LRRC4C: variants seen among roughly 807,000 people sequenced by gnomAD.
LRRC4C encodes the protein leucine-rich repeat-containing protein 4C.
In LRRC4C, 5 loss-of-function variants were observed where a neutral mutation model predicts 33.6. The observed-to-expected ratio is 0.15, with a 90% CI of 0.08 to 0.31. The LOEUF (loss-of-function observed/expected upper bound fraction) is 0.31, where lower values mean the gene tolerates loss of function less well. Among genes scored for constraint, LRRC4C ranks in the 10% least tolerant of loss-of-function variants. The pLI is 1.00. For missense variants in LRRC4C, 560 were observed against 796.7 expected, an observed-to-expected ratio of 0.70 and a Z score of 3.58; for synonymous variants, 329 against 302.0, an observed-to-expected ratio of 1.09 and a Z score of -0.93.
chr11:40,331,343 G>A (rs902872903), intron 3 of LRRC4C, among the ~76,000 whole-genome samples: 3 of 152,136 alleles, frequency 2.0e-5, no homozygotes, highest in Middle Eastern at 3.2e-3. Context: ...TGTCAAAGTC[G>A]TATCTGCATT....
chr11:40,345,097 T>G (rs1947062581), intron 3 of LRRC4C, among the ~76,000 whole-genome samples: 1 of 152,120 alleles, frequency 6.6e-6, no homozygotes, highest in Non-Finnish European at 1.5e-5. Flanking sequence ...TTACAGAATT[T>G]GTAGATTCCA....
At chr11:40,140,066 C>T (rs1459666393) in intron 6 of LRRC4C, among the ~76,000 whole-genome samples, 5 of 152,162 alleles carry the variant, frequency 3.3e-5, no homozygotes, top group Non-Finnish European at 5.9e-5. Context: ...GAAGGTTAAA[C>T]CCCAGTTCCT....
At chr11:40,963,926 C>G (rs1851145149) in intron 1 of LRRC4C, among the ~76,000 whole-genome samples, 1 of 151,580 alleles carries the variant, frequency 6.6e-6, no homozygotes, top group Non-Finnish European at 1.5e-5. Flanking sequence ...AATATTTGGG[C>G]AATCTTTAAA....
chr11:41,072,492 A>G (rs974405382), intron 1 of LRRC4C, among the ~76,000 whole-genome samples: 1 of 151,932 alleles, frequency 6.6e-6, no homozygotes, highest in Non-Finnish European at 1.5e-5. Flanking sequence ...GTTGTTTAAT[A>G]GTCTATAGCA....
chr11:40,955,818 C>A (rs1250398991), intron 1 of LRRC4C, among the ~76,000 whole-genome samples: 1 of 151,848 alleles, frequency 6.6e-6, no homozygotes, highest in Non-Finnish European at 1.5e-5. Flanking sequence ...TTTATTGTGG[C>A]TTCCCTTACA....
intron 1 of LRRC4C, among the ~76,000 whole-genome samples, chr11:40,978,684 C>T (rs1592243346): frequency 1.3e-5 from 2 of 148,568 alleles, no homozygotes; most frequent in Admixed American, 6.8e-5. Flanking sequence ...TGCAGTGGTG[C>T]ACTCTCAGCT....
At chr11:40,821,443 GA>G (rs1407385905) in intron 2 of LRRC4C, among the ~76,000 whole-genome samples, 2 of 151,570 alleles carry the variant, frequency 1.3e-5, no homozygotes, top group African/African-American at 4.8e-5. Flanking sequence ...GCCAGGATAT[GA>G]ATAAAAATAA....
chr11:40,900,233 C>A (rs1447186823), intron 2 of LRRC4C, among the ~76,000 whole-genome samples: 1 of 152,012 alleles, frequency 6.6e-6, no homozygotes. Context: ...ACAAATTGTT[C>A]TAAATGTGGC....
intron 2 of LRRC4C, among the ~76,000 whole-genome samples, chr11:40,842,779 T>G (rs569943596): frequency 2.3e-4 from 35 of 152,276 alleles, no homozygotes; most frequent in African/African-American, 8.4e-4. Context: ...AAGTGGGTCC[T>G]AGATCATAAA....
chr11:40,469,212 G>A lies in LRRC4C; in HGVS notation c.-269-149491C>T, dbSNP rs545025388. Among the ~76,000 whole-genome samples, 62 of 152,314 alleles carry A rather than the reference G, an allele frequency of 4.1e-4. 1 individual carries two copies. The highest frequency in any genetic ancestry group is 3.4e-3 in the Middle Eastern group (1 of 294). ...ATCTCACTAGGACTGGTTAGACAGT[G>A]GGTGCAGCCCACGGAGGGCGAGCTG... On this transcript the variant is annotated intron_variant, in intron 3 of 6. Coordinates refer to ENST00000528697, the MANE Select transcript of LRRC4C (RefSeq NM_001258419.2).
rs1441169373 is a variant in LRRC4C at position 41,272,154 on chromosome 11, C to G, written c.-496+187277G>C. On this transcript the variant is annotated intron_variant, in intron 1 of 6. Transcript: ENST00000528697. Reference sequence around the variant, plus strand: ...GTAGACTGAGGATAAAAATGCCCTACTTTTTTAGTCAAACCCCTTTCAGGT... The same window carrying G: ...GTAGACTGAGGATAAAAATGCCCTAGTTTTTTAGTCAAACCCCTTTCAGGT... Among the ~76,000 whole-genome samples, 3 of 152,074 alleles carry G rather than the reference C, an allele frequency of 2.0e-5. No individual in the cohort carries two copies. In the South Asian group the frequency reaches 6.2e-4, roughly 32 times the overall value.
chr11:41,304,140 G>A (rs1591208898), intron 1 of LRRC4C, among the ~76,000 whole-genome samples: 1 of 85,444 alleles, frequency 1.2e-5, no homozygotes, highest in African/African-American at 3.2e-5. Context: ...GAGCCCCTCA[G>A]CCCGGCCAGC....
intron 2 of LRRC4C, among the ~76,000 whole-genome samples, chr11:40,820,489 C>G (rs1951888190): frequency 6.6e-6 from 1 of 151,768 alleles, no homozygotes; most frequent in Admixed American, 6.6e-5. Flanking sequence ...GGGAGTAAAA[C>G]ACATTACATT....
chr11:40,727,905 C>T (rs1028399613), intron 2 of LRRC4C, among the ~76,000 whole-genome samples: 1 of 151,746 alleles, frequency 6.6e-6, no homozygotes, highest in Non-Finnish European at 1.5e-5. Context: ...AACAATGAGC[C>T]GAGTGTGATA....
At chr11:40,235,742 A>C (rs950036895) in intron 5 of LRRC4C, among the ~76,000 whole-genome samples, 7 of 152,236 alleles carry the variant, frequency 4.6e-5, no homozygotes, top group African/African-American at 1.7e-4. Context: ...CTTTTAATAC[A>C]AAAGTATTAA....
chr11:40,585,111 C>A (rs1958661421), intron 3 of LRRC4C, among the ~76,000 whole-genome samples: 1 of 152,122 alleles, frequency 6.6e-6, no homozygotes, highest in Admixed American at 6.5e-5. Context: ...TTGGCCTATG[C>A]AGATAGGACC....
intron 1 of LRRC4C, among the ~76,000 whole-genome samples, chr11:41,191,536 C>T (rs7109755): frequency 0.012 from 1,818 of 152,198 alleles, 31 homozygotes; most frequent in African/African-American, 0.04. Flanking sequence ...TGACTCTGTT[C>T]AATTGTGAAC....
At chr11:40,949,392 G>A (rs1958583581) in intron 1 of LRRC4C, among the ~76,000 whole-genome samples, 1 of 151,766 alleles carries the variant, frequency 6.6e-6, no homozygotes, top group African/African-American at 2.4e-5. Context: ...ATTTGTCAGA[G>A]CAACTCCAAG....
intron 2 of LRRC4C, among the ~76,000 whole-genome samples, chr11:40,650,213 C>T (rs895706427): frequency 6.6e-6 from 1 of 152,090 alleles, no homozygotes; most frequent in Non-Finnish European, 1.5e-5. Context: ...GGACTAAACT[C>T]CTGCAATAGG....
Sources: allele counts gnomAD v4.1 joint callset (sites outside exome capture counted in the v4.1 genomes callset), GRCh38; gene constraint gnomAD v4.1.1; transcripts MANE v1.5; gene names NCBI Gene and HGNC (gene_info 2026-07-23, HGNC 2026-07-21).